EMC8: variants seen among roughly 807,000 people sequenced by gnomAD.
The protein encoded by EMC8 is COX4 neighbor.
A neutral mutation model predicts 24.3 loss-of-function variants in EMC8; 11 were observed. That is an observed-to-expected ratio of 0.45 (90% CI 0.28 to 0.75). The LOEUF is 0.75. Ranked by LOEUF, EMC8 falls within the 30% of genes least tolerant of loss-of-function variation. EMC8 has a pLI of 0.12. For missense variants in EMC8, 277 were observed against 282.7 expected (o/e 0.98, Z 0.14); for synonymous variants, 145 against 117.7 (o/e 1.23, Z -1.50).
intron 1 of EMC8, among the ~76,000 whole-genome samples, chr16:85,794,675 T>C (rs1035178782): frequency 6.6e-6 from 1 of 152,084 alleles, no homozygotes; most frequent in African/African-American, 2.4e-5. Flanking sequence ...GGTGACAGAG[T>C]GAGACTCCAT....
intron 1 of EMC8, among the ~76,000 whole-genome samples, chr16:85,793,943 C>T (rs1369409907): frequency 6.6e-6 from 1 of 151,914 alleles, no homozygotes; most frequent in South Asian, 2.1e-4. Flanking sequence ...AAAGCATGCA[C>T]AAATGCAAGG....
intron 3 of EMC8, chr16:85,780,988 G>C (rs1470908280): frequency 1.8e-6 from 1 of 565,664 alleles, no homozygotes; most frequent in African/African-American, 1.9e-5. Context: ...TGCTGCGGCT[G>C]GCAGGGGACC....
chr16:85,780,353 C>A, intron 4 of EMC8, 26 bp downstream of exon 4: 6 of 1,586,260 alleles, frequency 3.8e-6, no homozygotes, highest in East Asian at 2.2e-5. Flanking sequence ...GAGCCCAGCC[C>A]GCGCGGCAGC....
intron 2 of EMC8, among the ~76,000 whole-genome samples, chr16:85,782,806 T>A (rs1000109301): frequency 6.6e-6 from 1 of 152,126 alleles, no homozygotes; most frequent in African/African-American, 2.4e-5. Context: ...GCCAGTCCAT[T>A]TCCAGCCTCT....
rs368341591 is a variant in EMC8 at position 85,779,690 on chromosome 16, A to C, written c.*18T>G. ...AACGTAGTGGAAAGGCCCGGAGCCC[A>C]GTCACAGCGGTGCCTGCCTAGCACA... On this transcript the variant is annotated 3_prime_UTR_variant, in exon 5 of 5. Transcript: ENST00000253457. The C allele has an allele frequency of 7.1e-5, 115 of 1,612,136 alleles. 3 individuals are homozygous for C. The highest frequency in any genetic ancestry group is 5.4e-4 in the East Asian group (24 of 44,852).
At chr16:85,787,339 TA>T (rs1320552264) in intron 2 of EMC8, among the ~76,000 whole-genome samples, 1 of 152,032 alleles carries the variant, frequency 6.6e-6, no homozygotes, top group Non-Finnish European at 1.5e-5. Flanking sequence ...GGGATCATCC[TA>T]CCAGGTCTAA....
Position 85,779,829 on chromosome 16 carries a change from G to A in EMC8, c.512C>T (p.Ser171Leu). ...CEDWPEAQRI[S>L]ASLLDSRSYE... is the part of the protein sequence containing the mutation. ...GGACCGGCTGTCCAGGAGCGAGGCT[G>A]AGATCCTCTGTGCCTCTGGCCAGTC... The change falls in exon 5 of 5, where the codon TCA becomes TTA. Residue 171 changes from serine to leucine, a missense_variant. Ser to Leu is a moderately radical substitution (Grantham distance 145, BLOSUM62 -2). Coordinates refer to ENST00000253457, the MANE Select transcript of EMC8 (RefSeq NM_006067.5). 1 of 1,614,086 alleles carries A rather than the reference G, an allele frequency of 6.2e-7. No homozygotes were observed. The highest frequency in any genetic ancestry group is 8.5e-7 in the Non-Finnish European group (1 of 1,179,962).
At position 85,789,057 on chromosome 16, in the gene EMC8, G is replaced by T. The variant is rs534254475; in HGVS notation, c.232-7C>A. 4 of 1,607,890 alleles carry T rather than the reference G, an allele frequency of 2.5e-6. No homozygotes were observed. The African/African-American group carries it at 4.0e-5, about 16-fold the overall frequency. On this transcript the variant is annotated splice_polypyrimidine_tract_variant and splice_region_variant and intron_variant, in intron 1 of 4. Transcript: ENST00000253457. ...CTTTGCACCATGAATCAATCTGAAAGAGGAACAAAAATTGGGAAAAGATGA... is the reference window on the plus strand; with the variant it reads ...CTTTGCACCATGAATCAATCTGAAATAGGAACAAAAATTGGGAAAAGATGA...
chr16:85,784,970 TG>T (rs1339607992), intron 2 of EMC8: 1 of 152,214 alleles, frequency 6.6e-6, no homozygotes, highest in Non-Finnish European at 1.5e-5. Context: ...ATTTTTGAGA[TG>T]GGGTCTTGCT....
intron 2 of EMC8, among the ~76,000 whole-genome samples, chr16:85,782,462 C>A (rs73259016): frequency 0.02 from 3,112 of 152,282 alleles, 109 homozygotes; most frequent in African/African-American, 0.07. Context: ...GGGGCCTTCT[C>A]CTCGGGGGCC....
At chr16:85,798,070 T>C (rs1174070313) in intron 1 of EMC8, among the ~76,000 whole-genome samples, 2 of 151,962 alleles carry the variant, frequency 1.3e-5, no homozygotes, top group African/African-American at 4.8e-5. Flanking sequence ...TAAAAGCGTG[T>C]TGGACAGATC....
chr16:85,795,853 G>A (rs1000558249), intron 1 of EMC8, among the ~76,000 whole-genome samples: 2 of 152,152 alleles, frequency 1.3e-5, no homozygotes, highest in Non-Finnish European at 2.9e-5. Flanking sequence ...CCCTCAACCC[G>A]TGGGCTCTGA....
At chr16:85,788,117 C>A (rs994969088) in intron 2 of EMC8, among the ~76,000 whole-genome samples, 4 of 152,208 alleles carry the variant, frequency 2.6e-5, no homozygotes, top group African/African-American at 9.6e-5. Context: ...GACTTTCCAG[C>A]TGCCCATCTG....
intron 2 of EMC8, among the ~76,000 whole-genome samples, chr16:85,788,518 G>T (rs940255612): frequency 6.6e-6 from 1 of 152,224 alleles, no homozygotes; most frequent in African/African-American, 2.4e-5. Flanking sequence ...CTGGATAAAG[G>T]AAAAGAAAGA....
intron 1 of EMC8, among the ~76,000 whole-genome samples, chr16:85,793,872 G>A (rs1187024433): frequency 6.6e-6 from 1 of 151,952 alleles, no homozygotes; most frequent in African/African-American, 2.4e-5. Context: ...TACGTCAAAG[G>A]GTTATAAGGA....
chr16:85,798,074 A>G (rs918819064), intron 1 of EMC8, among the ~76,000 whole-genome samples: 1 of 149,948 alleles, frequency 6.7e-6, no homozygotes, highest in Non-Finnish European at 1.5e-5. Flanking sequence ...AGCGTGTTGG[A>G]CAGATCGTCT....
At chr16:85,786,015 A>G (rs556957183) in intron 2 of EMC8, among the ~76,000 whole-genome samples, 39 of 152,368 alleles carry the variant, frequency 2.6e-4, no homozygotes, top group African/African-American at 8.9e-4. Context: ...TAGGAAATTC[A>G]TAAAAGTTAT....
chr16:85,799,395 G>T lies in EMC8; in HGVS notation c.-100C>A. The stretch of plus-strand genomic sequence containing the variant: ...CTCAGCCGAGAAGCGGGACGAGGCG[G>T]CGGCGATTGATGGCGCGGCCGCGGG... On this transcript the variant is annotated 5_prime_UTR_variant, in exon 1 of 5. Transcript: ENST00000253457. The surrounding 1 kb of genome is among the most constrained non-coding windows in gnomAD (Gnocchi z 4.2). The T allele has an allele frequency of 1.4e-6, 1 of 711,152 alleles. No homozygotes were observed. The highest frequency in any genetic ancestry group is 2.1e-6 in the Non-Finnish European group (1 of 484,368). The allele number at this position is 711,152 out of a possible 1,614,324, so 44.1% of individuals were successfully genotyped here.
At chr16:85,782,184 C>T (rs776959840) in intron 2 of EMC8, among the ~76,000 whole-genome samples, 4 of 152,232 alleles carry the variant, frequency 2.6e-5, no homozygotes, top group African/African-American at 7.2e-5. Flanking sequence ...TCCATCTGCA[C>T]GCTAGCAAAG....
Sources: gnomAD v4.1 joint callset for allele counts (sites outside exome capture counted in the v4.1 genomes callset) on GRCh38, gnomAD v4.1.1 for gene constraint, Gnocchi (gnomAD v3.1) non-coding constraint, MANE v1.5 for transcripts, NCBI Gene and HGNC (gene_info 2026-07-23, HGNC 2026-07-21) for gene names.